The following EHBP1 variants were observed in gnomAD, a reference collection of about 807,000 sequenced individuals.
The protein encoded by EHBP1 is EH domain-binding protein 1.
In EHBP1, 55 loss-of-function variants were observed where a neutral mutation model predicts 144.0. That is an observed-to-expected ratio of 0.38 (90% CI 0.31 to 0.48). EHBP1 has a LOEUF of 0.48. Among genes scored for constraint, EHBP1 ranks in the 20% least tolerant of loss-of-function variants. The pLI is 0.98. For synonymous variants in EHBP1, 469 were observed against 472.7 expected (o/e 0.99, Z 0.10); for missense variants, 1,200 against 1,364.2 (o/e 0.88, Z 1.90).
At chr2:62,901,753 T>C (rs991063952) in intron 10 of EHBP1, among the ~76,000 whole-genome samples, 1 of 151,226 alleles carries the variant, frequency 6.6e-6, no homozygotes, top group African/African-American at 2.4e-5. Context: ...ATCATTTGAG[T>C]CCAGGAGTTC....
At chr2:62,972,594 T>C (rs909258992) in intron 14 of EHBP1, among the ~76,000 whole-genome samples, 1 of 152,200 alleles carries the variant, frequency 6.6e-6, no homozygotes, top group African/African-American at 2.4e-5. Flanking sequence ...CAATTAACTT[T>C]TATTTTCTCA....
At chr2:62,680,238 A>G (rs1572854511) in intron 1 of EHBP1, among the ~76,000 whole-genome samples, 1 of 152,220 alleles carries the variant, frequency 6.6e-6, no homozygotes, top group East Asian at 1.9e-4. Context: ...ATTTGAATGC[A>G]GAGTTCCTCC....
chr2:62,817,102 T>C (rs989897032), intron 5 of EHBP1, among the ~76,000 whole-genome samples: 1 of 152,216 alleles, frequency 6.6e-6, no homozygotes, highest in African/African-American at 2.4e-5. Context: ...TTACACTTCA[T>C]TCACTTAAGA....
At chr2:62,903,649 C>G (rs1334065479) in intron 10 of EHBP1, among the ~76,000 whole-genome samples, 1 of 152,026 alleles carries the variant, frequency 6.6e-6, no homozygotes, top group Non-Finnish European at 1.5e-5. Context: ...TCCTGTAGTT[C>G]CAGCTTCTTG....
intron 1 of EHBP1, among the ~76,000 whole-genome samples, chr2:62,692,695 A>AAT (rs1242534762): frequency 2.6e-5 from 4 of 152,084 alleles, no homozygotes; most frequent in Admixed American, 2.6e-4. Context: ...GATAAATGTC[A>AAT]ATTTAAATTC....
chr2:62,711,972 T>C (rs910734284), intron 2 of EHBP1, among the ~76,000 whole-genome samples: 3 of 152,284 alleles, frequency 2.0e-5, no homozygotes, highest in African/African-American at 7.2e-5. Context: ...AGTATTTTGC[T>C]ACAAAGCAGA....
At chr2:63,001,868 A>G (rs1227465113) in intron 19 of EHBP1, among the ~76,000 whole-genome samples, 1 of 152,174 alleles carries the variant, frequency 6.6e-6, no homozygotes, top group Non-Finnish European at 1.5e-5. Flanking sequence ...CTGGGGTTCT[A>G]CTAGTAATTC....
intron 19 of EHBP1, 133 bp downstream of exon 19, chr2:62,996,899 T>C (rs1032850256): frequency 7.7e-7 from 1 of 1,294,626 alleles, no homozygotes; most frequent in East Asian, 2.6e-5. Context: ...AAGGCTGCGA[T>C]TTGCAGCCAC....
At chr2:62,915,479 A>G (rs2054537604) in intron 10 of EHBP1, among the ~76,000 whole-genome samples, 1 of 152,082 alleles carries the variant, frequency 6.6e-6, no homozygotes, top group Non-Finnish European at 1.5e-5. Context: ...TATTTTAGTA[A>G]TTGTAAAAGA....
intron 1 of EHBP1, among the ~76,000 whole-genome samples, chr2:62,675,751 A>T (rs2033263692): frequency 6.6e-6 from 1 of 152,062 alleles, no homozygotes; most frequent in African/African-American, 2.4e-5. Flanking sequence ...GCAGAAGGAA[A>T]TTGTCTGGTT....
At chr2:62,738,969 A>G (rs2038419238) in intron 2 of EHBP1, among the ~76,000 whole-genome samples, 2 of 152,136 alleles carry the variant, frequency 1.3e-5, no homozygotes, top group African/African-American at 4.8e-5. Flanking sequence ...GTTCGCATTT[A>G]AGAGGGAGAC....
upstream of EHBP1, among the ~76,000 whole-genome samples, chr2:62,704,198 A>T (rs1445773577): frequency 6.6e-6 from 1 of 152,256 alleles, no homozygotes; most frequent in African/African-American, 2.4e-5. Context: ...AACATTTTAG[A>T]ATTGACTAGC....
chr2:62,893,777 C>T (rs1418872968), intron 10 of EHBP1, among the ~76,000 whole-genome samples: 1 of 152,060 alleles, frequency 6.6e-6, no homozygotes, highest in East Asian at 1.9e-4. Context: ...GGCATGGTGA[C>T]TCACGCCTAT....
intron 2 of EHBP1, among the ~76,000 whole-genome samples, chr2:62,742,881 G>A (rs1172393466): frequency 6.6e-6 from 1 of 151,956 alleles, no homozygotes; most frequent in Admixed American, 6.6e-5. Context: ...GTGCTGATTT[G>A]TATGTATTTA....
chr2:63,045,438 C>A lies in EHBP1; in HGVS notation c.3421C>A (p.Arg1141=). The change falls in exon 23 of 23, where the codon CGA becomes AGA. Residue 1141 remains arginine, a synonymous_variant. Coordinates refer to ENST00000431489, the MANE Select transcript of EHBP1 (RefSeq NM_001142616.3). This position sits in a 1 kb window ranked among gnomAD's most constrained non-coding sequence, Gnocchi z 5.7. ...CGAAGAAGAAGATGAGCATTTGGAGCGAACTCTGGAGCAAAACAAAGGCAA... is the reference window on the plus strand; with the variant it reads ...CGAAGAAGAAGATGAGCATTTGGAGAGAACTCTGGAGCAAAACAAAGGCAA... The part of the protein sequence containing the change: ...QAEEEDEHLE[R]TLEQNKGKMA... 6.2e-7 allele frequency: 1 copy of A among 1,614,082 alleles called. No homozygotes were observed. Among genetic ancestry groups the A allele is most frequent in the African/African-American group, 1.3e-5 (1 of 75,038 alleles).
intron 10 of EHBP1, among the ~76,000 whole-genome samples, chr2:62,889,959 A>ATTTT (rs1161025322): frequency 2.3e-5 from 3 of 129,452 alleles, no homozygotes; most frequent in Non-Finnish European, 5.0e-5. Context: ...TTCCATATGA[A>ATTTT]TTTTTTTTTT....
chr2:63,020,073 T>C (rs2060663647), intron 19 of EHBP1, among the ~76,000 whole-genome samples: 2 of 151,788 alleles, frequency 1.3e-5, no homozygotes, highest in Admixed American at 1.3e-4. Flanking sequence ...TGCCTGTAAT[T>C]CTAGCACTTT....
chr2:62,786,247 G>T lies in EHBP1; in HGVS notation c.312+14855G>T, dbSNP rs556484112. Among the ~76,000 whole-genome samples, 43 of 152,236 alleles carry T rather than the reference G, an allele frequency of 2.8e-4. No homozygotes were observed. In the South Asian group the frequency reaches 3.7e-3, roughly 13 times the overall value. ...GAGATGGACCCTGGCATTTCATGTG[G>T]TATCAAGGCCTCTCCATTTCCTCTC... On this transcript the variant is annotated intron_variant, in intron 5 of 22. Coordinates refer to ENST00000431489, the MANE Select transcript of EHBP1 (RefSeq NM_001142616.3).
intron 12 of EHBP1, among the ~76,000 whole-genome samples, chr2:62,945,533 T>A (rs1458586502): frequency 6.6e-6 from 1 of 152,156 alleles, no homozygotes; most frequent in Non-Finnish European, 1.5e-5. Flanking sequence ...TGTATTGCTA[T>A]CAAAAAGATT....
Sources: allele counts gnomAD v4.1 joint callset (sites outside exome capture counted in the v4.1 genomes callset), GRCh38; gene constraint gnomAD v4.1.1; non-coding constraint Gnocchi (gnomAD v3.1); transcripts MANE v1.5; gene names NCBI Gene and HGNC (gene_info 2026-07-23, HGNC 2026-07-21).